MAPKAPK2: variants seen among roughly 807,000 people sequenced by gnomAD.
The protein encoded by MAPKAPK2 is MAPK activated protein kinase 2, also known as MAP kinase-activated protein kinase 2.
MAPKAPK2 carries 9 observed loss-of-function variants against 48.8 expected under a neutral mutation model. The ratio of observed to expected loss-of-function variants is 0.18; its 90% CI spans 0.11 to 0.32. The LOEUF is 0.32. MAPKAPK2 is among the 10% of genes least tolerant of loss of function. The pLI, the probability that MAPKAPK2 is intolerant of heterozygous loss-of-function variation, is 1.00. For missense variants in MAPKAPK2, 331 were observed against 498.3 expected, an observed-to-expected ratio of 0.66 and a Z score of 3.20; for synonymous variants, 202 against 190.6, an observed-to-expected ratio of 1.06 and a Z score of -0.49.
At chr1:206,711,693 G>A (rs185324481) in intron 1 of MAPKAPK2, among the ~76,000 whole-genome samples, 17 of 144,300 alleles carry the variant, frequency 1.2e-4, no homozygotes, top group Non-Finnish European at 2.1e-4. Context: ...TCTCTGCTCA[G>A]TGAAACCCCT....
chr1:206,701,831 TA>T (rs1181483621), intron 1 of MAPKAPK2, among the ~76,000 whole-genome samples: 63 of 86,980 alleles, frequency 7.2e-4, no homozygotes, highest in African/African-American at 1.9e-3. Flanking sequence ...ACCCTGTCTC[TA>T]AAAAAAAAAA....
At chr1:206,696,534 C>G (rs782695351) in intron 1 of MAPKAPK2, among the ~76,000 whole-genome samples, 15 of 152,062 alleles carry the variant, frequency 9.9e-5, no homozygotes, top group Admixed American at 2.0e-4. Context: ...AAGACCCCAT[C>G]TCTACAAAAA....
chr1:206,722,327 TC>T (rs1673547978), intron 1 of MAPKAPK2, among the ~76,000 whole-genome samples: 1 of 151,972 alleles, frequency 6.6e-6, no homozygotes, highest in Admixed American at 6.5e-5. Context: ...GCCACTGCAC[TC>T]CAGCCTGGGC....
intron 1 of MAPKAPK2, chr1:206,696,292 C>T (rs879966188): frequency 3.9e-6 from 4 of 1,026,874 alleles, no homozygotes; most frequent in Admixed American, 1.7e-5. Context: ...TTTCCAGACT[C>T]CGCACAGGAA....
Position 206,685,420 on chromosome 1 carries a change from A to T in MAPKAPK2, c.191A>T (p.Lys64Met). The change falls in exon 1 of 10, where the codon AAG (lysine) becomes ATG (methionine). Residue 64 changes from lysine (K) to methionine (M), a missense_variant. By Grantham distance (95) the Lys-to-Met change is moderately conservative. Around this residue, in one of 4 missense-constraint regions of MAPKAPK2, gnomAD observed 93 missense variants for 81.0 expected, o/e 1.15. Coordinates refer to ENST00000367103, the MANE Select transcript of MAPKAPK2 (RefSeq NM_032960.4). ...IKKNAIIDDY[K>M]VTSQVLGLGI... Reference sequence around the variant, plus strand: ...AAGAACGCCATCATCGATGACTACAAGGTCACCAGCCAGGTCCTGGGGCTG... The same window carrying T: ...AAGAACGCCATCATCGATGACTACATGGTCACCAGCCAGGTCCTGGGGCTG... The T allele has an allele frequency of 1.3e-6, 2 of 1,545,812 alleles. No individual in the cohort carries two copies. Among genetic ancestry groups the T allele is most frequent in the East Asian group, 2.6e-5 (1 of 38,138 alleles).
intron 1 of MAPKAPK2, among the ~76,000 whole-genome samples, chr1:206,707,735 C>T (rs1673011536): frequency 6.6e-6 from 1 of 152,168 alleles, no homozygotes; most frequent in African/African-American, 2.4e-5. Flanking sequence ...GGGCATGGGG[C>T]TCCTGCTCAC....
intron 1 of MAPKAPK2, among the ~76,000 whole-genome samples, chr1:206,705,044 C>T (rs781799698): frequency 1.3e-5 from 2 of 152,228 alleles, no homozygotes; most frequent in Non-Finnish European, 2.9e-5. Flanking sequence ...CTTCTGCCAT[C>T]TATATGACCC....
intron 1 of MAPKAPK2, among the ~76,000 whole-genome samples, chr1:206,694,339 G>T (rs139933766): frequency 2.5e-4 from 38 of 152,134 alleles, no homozygotes; most frequent in Non-Finnish European, 4.6e-4. Flanking sequence ...ACCATGTGTC[G>T]ATGGCCTCCT....
intron 1 of MAPKAPK2, among the ~76,000 whole-genome samples, chr1:206,722,722 A>G (rs894343135): frequency 6.6e-6 from 1 of 152,214 alleles, no homozygotes; most frequent in Non-Finnish European, 1.5e-5. Context: ...CATTTAGCAC[A>G]GAGCACTGCC....
chr1:206,689,613 A>C (rs2102372309), intron 1 of MAPKAPK2, among the ~76,000 whole-genome samples: 1 of 152,348 alleles, frequency 6.6e-6, no homozygotes, highest in Admixed American at 6.5e-5. Context: ...ACATGTAAAA[A>C]ATGGCCTGTA....
At chr1:206,695,052 T>G (rs1280834184) in intron 1 of MAPKAPK2, among the ~76,000 whole-genome samples, 1 of 152,234 alleles carries the variant, frequency 6.6e-6, no homozygotes, top group South Asian at 2.1e-4. Flanking sequence ...CTTCCCCTGA[T>G]GTGCTTTAGT....
rs782578871 is a variant in MAPKAPK2 at position 206,685,358 on chromosome 1, C to A, written c.129C>A (p.Phe43Leu). The A allele has an allele frequency of 2.7e-5, 39 of 1,447,514 alleles. No individual in the cohort carries two copies. Among genetic ancestry groups the A allele is most frequent in the Non-Finnish European group, 3.5e-5 (38 of 1,083,518 alleles). The allele number at this position is 1,447,514 out of a possible 1,614,324, so 89.7% of individuals were successfully genotyped here. ...AQPPPPPPQQ[F>L]PQFHVKSGLQ... is the part of the protein sequence containing the mutation. ...CGCCGCCGCCGCCCCCGCAGCAGTT[C>A]CCGCAGTTCCACGTCAAGTCCGGCC... Residue 43 changes from phenylalanine to leucine, a missense_variant, in exon 1 of 10, where the codon TTC (phenylalanine) becomes TTA (leucine). This residue lies in a region of MAPKAPK2 where 93 missense variants were observed against 81.0 expected (regional missense o/e 1.15). Transcript: ENST00000367103.
intron 1 of MAPKAPK2, among the ~76,000 whole-genome samples, 184 bp downstream of exon 1, chr1:206,685,692 C>T (rs1292873338): frequency 1.3e-5 from 2 of 149,240 alleles, no homozygotes; most frequent in Non-Finnish European, 3.0e-5. Flanking sequence ...AGCGCCCTCG[C>T]CTCCCTGACC....
At chr1:206,717,562 A>G (rs922602900) in intron 1 of MAPKAPK2, among the ~76,000 whole-genome samples, 1 of 152,146 alleles carries the variant, frequency 6.6e-6, no homozygotes, top group Non-Finnish European at 1.5e-5. Context: ...CTCCTTATCA[A>G]TTCTTAGGGT....
intron 1 of MAPKAPK2, among the ~76,000 whole-genome samples, chr1:206,695,283 A>G (rs1553426827): frequency 6.6e-6 from 1 of 152,160 alleles, no homozygotes; most frequent in African/African-American, 2.4e-5. Flanking sequence ...ACCCTCAGCT[A>G]TGGAAGGAAG....
At chr1:206,725,941 G>A (rs1673689200) in intron 1 of MAPKAPK2, among the ~76,000 whole-genome samples, 1 of 152,160 alleles carries the variant, frequency 6.6e-6, no homozygotes, top group South Asian at 2.1e-4. Flanking sequence ...TGCTCTATTT[G>A]GTTTTGACAT....
intron 1 of MAPKAPK2, among the ~76,000 whole-genome samples, chr1:206,698,763 C>T (rs1268136013): frequency 6.6e-6 from 1 of 151,758 alleles, no homozygotes; most frequent in Non-Finnish European, 1.5e-5. Context: ...TGAGCACCTA[C>T]TAAGTGCTAA....
chr1:206,729,420 T>C lies in MAPKAPK2; in HGVS notation c.509T>C (p.Ile170Thr). 6.2e-7 allele frequency: 1 copy of C among 1,614,062 alleles called. No homozygotes were observed. The highest frequency in any genetic ancestry group is 1.3e-5 in the African/African-American group (1 of 75,036). The change falls in exon 4 of 10, where the codon ATC becomes ACC. Residue 170 changes from isoleucine (I) to threonine (T), a missense_variant. Around this residue, in one of 4 missense-constraint regions of MAPKAPK2, gnomAD observed 111 missense variants for 193.6 expected, o/e 0.57. Transcript: ENST00000367103. ...GAAGCATCCGAAATCATGAAGAGCA[T>C]CGGTGAGGCCATCCAGTATCTGCAT... ...EREASEIMKSIGEAIQYLHSI... is the reference protein window; with the variant it reads ...EREASEIMKSTGEAIQYLHSI...
intron 1 of MAPKAPK2, among the ~76,000 whole-genome samples, chr1:206,726,871 C>G (rs943091722): frequency 7.2e-5 from 11 of 152,240 alleles, no homozygotes; most frequent in Non-Finnish European, 1.5e-4. Context: ...TCCCTTCCCT[C>G]TGCAAGCTGG....
Sources: allele counts gnomAD v4.1 joint callset (sites outside exome capture counted in the v4.1 genomes callset), GRCh38; gene constraint gnomAD v4.1.1; regional missense constraint gnomAD v4.1.1; transcripts MANE v1.5; gene names NCBI Gene and HGNC (gene_info 2026-07-23, HGNC 2026-07-21).